The following CADPS2 variants were observed in gnomAD, a reference collection of about 807,000 sequenced individuals.
The protein encoded by CADPS2 is calcium-dependent secretion activator 2.
Under a neutral mutation model 172.5 loss-of-function variants are expected in CADPS2, and 93 were observed. That is an observed-to-expected ratio of 0.54 (90% CI 0.46 to 0.64). The LOEUF is 0.64. Among genes scored for constraint, CADPS2 ranks in the 30% least tolerant of loss-of-function variants. The pLI is 0.00. For synonymous variants in CADPS2, 546 were observed against 555.2 expected (o/e 0.98, Z 0.23); for missense variants, 1,420 against 1,565.9 (o/e 0.91, Z 1.57).
chr7:122,766,408 T>C (rs2093553369), intron 1 of CADPS2, among the ~76,000 whole-genome samples: 1 of 152,148 alleles, frequency 6.6e-6, no homozygotes, highest in African/African-American at 2.4e-5. Context: ...CCAGTTGTAA[T>C]TTAGAAATAT....
intron 1 of CADPS2, among the ~76,000 whole-genome samples, chr7:122,787,170 A>T (rs889776149): frequency 6.6e-6 from 1 of 152,190 alleles, no homozygotes; most frequent in Non-Finnish European, 1.5e-5. Context: ...TTGAGCGTAG[A>T]TATCTAAACA....
At chr7:122,645,419 A>G (rs1172101804) in intron 3 of CADPS2, among the ~76,000 whole-genome samples, 27 of 80,604 alleles carry the variant, frequency 3.3e-4, no homozygotes, top group East Asian at 2.6e-3. Context: ...ACACACATGT[A>G]TATGTGTGTA....
At chr7:122,457,968 C>A (rs374491909) in intron 14 of CADPS2, among the ~76,000 whole-genome samples, 5 of 152,186 alleles carry the variant, frequency 3.3e-5, no homozygotes, top group African/African-American at 1.2e-4. Flanking sequence ...CCATCTCCAA[C>A]TCATCAGGTA....
At chr7:122,407,867 AATC>A (rs1207881786) in intron 19 of CADPS2, 171 bp from the exon 20 acceptor site, 26 of 603,532 alleles carry the variant, frequency 4.3e-5, no homozygotes, top group East Asian at 8.4e-5. Context: ...TACACATTAA[AATC>A]ATAGATTTGG....
chr7:122,449,140 C>T (rs1019819190), intron 15 of CADPS2, among the ~76,000 whole-genome samples: 12 of 152,090 alleles, frequency 7.9e-5, no homozygotes, highest in African/African-American at 2.7e-4. Flanking sequence ...ATTTCTATTG[C>T]TTGCAGTTGA....
At chr7:122,567,744 A>G (rs2066652832) in intron 7 of CADPS2, among the ~76,000 whole-genome samples, 1 of 152,176 alleles carries the variant, frequency 6.6e-6, no homozygotes, top group Admixed American at 6.6e-5. Context: ...ATTAAATGTT[A>G]TAATATTACT....
At chr7:122,527,877 A>G (rs995645476) in intron 8 of CADPS2, among the ~76,000 whole-genome samples, 4 of 152,130 alleles carry the variant, frequency 2.6e-5, no homozygotes, top group African/African-American at 9.6e-5. Flanking sequence ...CCCAAAACAG[A>G]GAGAGAAGGG....
At chr7:122,848,815 C>G (rs1479784502) in intron 1 of CADPS2, among the ~76,000 whole-genome samples, 1 of 152,074 alleles carries the variant, frequency 6.6e-6, no homozygotes, top group African/African-American at 2.4e-5. Context: ...TCAAGCAACT[C>G]ACATAAAATA....
intron 6 of CADPS2, among the ~76,000 whole-genome samples, chr7:122,590,457 T>C (rs2070613656): frequency 6.6e-6 from 1 of 151,972 alleles, no homozygotes; most frequent in Non-Finnish European, 1.5e-5. Flanking sequence ...ATTTATGTAA[T>C]TCTTTTCAAG....
chr7:122,753,367 C>CT (rs974929248), intron 1 of CADPS2, among the ~76,000 whole-genome samples: 48 of 152,174 alleles, frequency 3.2e-4, no homozygotes, highest in African/African-American at 1.1e-3. Context: ...AAACTTTAAA[C>CT]TTTTTTAAAG....
chr7:122,490,522 A>C (rs1380103603), intron 10 of CADPS2, among the ~76,000 whole-genome samples: 1 of 152,192 alleles, frequency 6.6e-6, no homozygotes, highest in African/African-American at 2.4e-5. Flanking sequence ...AGTCCATGAC[A>C]GAGTATCATT....
intron 1 of CADPS2, 54 bp from the exon 2 acceptor site, chr7:122,737,122 A>G: frequency 1.2e-6 from 1 of 864,058 alleles, no homozygotes; most frequent in Non-Finnish European, 1.9e-6. Flanking sequence ...TGAAAAAATA[A>G]TGACTATTAA....
At chr7:122,519,217 T>C (rs1241986763) in intron 8 of CADPS2, among the ~76,000 whole-genome samples, 3 of 152,092 alleles carry the variant, frequency 2.0e-5, no homozygotes, top group Non-Finnish European at 4.4e-5. Flanking sequence ...AATTTAAATA[T>C]AACACTTTTT....
chr7:122,502,106 T>A (rs374477892), intron 9 of CADPS2, among the ~76,000 whole-genome samples: 6 of 152,164 alleles, frequency 3.9e-5, no homozygotes, highest in African/African-American at 1.4e-4. Flanking sequence ...ACTAAAGGTG[T>A]TGGAGAAAGA....
intron 2 of CADPS2, among the ~76,000 whole-genome samples, chr7:122,666,969 A>T (rs1474198452): frequency 6.6e-6 from 1 of 152,200 alleles, no homozygotes; most frequent in Non-Finnish European, 1.5e-5. Context: ...TCTGGATCCC[A>T]GCCCTGGGGG....
chr7:122,474,856 C>G (rs1019035252), intron 12 of CADPS2, among the ~76,000 whole-genome samples: 5 of 152,014 alleles, frequency 3.3e-5, no homozygotes, highest in Non-Finnish European at 7.4e-5. Flanking sequence ...TAGAAAAGAA[C>G]GAAGATCTAT....
chr7:122,585,244 T>G (rs777148579), intron 6 of CADPS2, among the ~76,000 whole-genome samples: 4 of 150,908 alleles, frequency 2.7e-5, no homozygotes, highest in African/African-American at 9.9e-5. Context: ...TCCTGGAAAG[T>G]TGGGATTTAT....
chr7:122,503,434 C>G (rs114671856), intron 9 of CADPS2, among the ~76,000 whole-genome samples: 1,842 of 152,158 alleles, frequency 0.012, 40 homozygotes, highest in African/African-American at 0.042. Context: ...ATCTTAGAAA[C>G]TAGTATCTAC....
At chr7:122,483,065 G>A (rs1466850951) in intron 11 of CADPS2, among the ~76,000 whole-genome samples, 1 of 152,188 alleles carries the variant, frequency 6.6e-6, no homozygotes, top group African/African-American at 2.4e-5. Flanking sequence ...TGGGGAAAAT[G>A]CATCCTGGAC....
Sources: gnomAD v4.1 joint callset for allele counts (sites outside exome capture counted in the v4.1 genomes callset) on GRCh38, gnomAD v4.1.1 for gene constraint, MANE v1.5 for transcripts, NCBI Gene and HGNC (gene_info 2026-07-23, HGNC 2026-07-21) for gene names.